Variants in PCDHGA2 observed in about 807,000 individuals in gnomAD.
The protein encoded by PCDHGA2 is protocadherin gamma subfamily A, 2, also known as protocadherin gamma-A2.
PCDHGA2 carries 40 observed loss-of-function variants against 59.2 expected under a neutral mutation model. That is an observed-to-expected ratio of 0.68 (90% CI 0.52 to 0.88). PCDHGA2 has a LOEUF of 0.88. Among genes scored for constraint, PCDHGA2 ranks in the 40% least tolerant of loss-of-function variants. The pLI is 0.00. For missense variants in PCDHGA2, 1,226 were observed against 1,204.0 expected (o/e 1.02, Z -0.27); for synonymous variants, 560 against 526.0 (o/e 1.06, Z -0.89).
In PCDHGA2 at chr5:141,383,217, T is replaced by C. The variant is rs367646444; in HGVS notation, c.2424+41822T>C. The stretch of plus-strand genomic sequence containing the variant: ...AGAGTGCGCGGTGTCTGGTAAACTT[T>C]AACATCCTGATGGAAGATAAAATGA... On this transcript the variant is annotated intron_variant, in intron 1 of 3. Coordinates refer to ENST00000394576, the MANE Select transcript of PCDHGA2 (RefSeq NM_018915.4). 8.1e-6 allele frequency: 13 copies of C among 1,613,876 alleles called. 1 individual carries two copies. The Admixed American group carries it at 1.0e-4, about 12-fold the overall frequency.
chr5:141,353,376 AT>A (rs1262685545), intron 1 of PCDHGA2, among the ~76,000 whole-genome samples: 1 of 152,236 alleles, frequency 6.6e-6, no homozygotes, highest in East Asian at 1.9e-4. Flanking sequence ...GTAATTATGT[AT>A]TAATGTAATT....
chr5:141,412,983 G>A (rs1372992044), intron 1 of PCDHGA2: 1 of 557,334 alleles, frequency 1.8e-6, no homozygotes, highest in Admixed American at 3.6e-5. Context: ...CGCAGCCAGA[G>A]CTCAATCCGG....
intron 1 of PCDHGA2, chr5:141,377,597 C>G (rs935154854): frequency 2.6e-4 from 37 of 142,848 alleles, no homozygotes; most frequent in African/African-American, 9.9e-4. Context: ...CTTTTTCTCT[C>G]TCTCTCTCAA....
At chr5:141,381,416 C>G (rs995030864) in intron 1 of PCDHGA2, among the ~76,000 whole-genome samples, 10 of 152,236 alleles carry the variant, frequency 6.6e-5, no homozygotes, top group African/African-American at 2.2e-4. Context: ...AGTGGAGAGA[C>G]GAGTACCTCT....
Position 141,491,726 on chromosome 5 carries a change from C to A in PCDHGA2, c.2425-3081C>A, listed in dbSNP as rs1018940432. ...GTGAGGGGCTCGGCGCCGCCCCGGG[C>A]GACCCCTGGGGGCGGCACTGGAGAA... On this transcript the variant is annotated intron_variant, in intron 1 of 3. Coordinates refer to ENST00000394576, the MANE Select transcript of PCDHGA2 (RefSeq NM_018915.4). This position sits in a 1 kb window ranked among gnomAD's most constrained non-coding sequence, Gnocchi z 6.9. 2.2e-5 allele frequency: 36 copies of A among 1,605,766 alleles called. No individual in the cohort carries two copies. Among genetic ancestry groups the A allele is most frequent in the African/African-American group, 4.0e-5 (3 of 74,588 alleles).
At chr5:141,345,284 A>C (rs1358924038) in intron 1 of PCDHGA2, 1 of 1,613,860 alleles carries the variant, frequency 6.2e-7, no homozygotes. Flanking sequence ...AAATATCAGA[A>C]TATAACATTA....
intron 1 of PCDHGA2, among the ~76,000 whole-genome samples, chr5:141,484,535 A>G (rs2099597486): frequency 6.6e-6 from 1 of 152,178 alleles, no homozygotes. Flanking sequence ...AGTATATGGC[A>G]GTGGTTCTAA....
chr5:141,341,098 C>A lies in PCDHGA2; in HGVS notation c.2127C>A (p.Ile709=), dbSNP rs1400825759. Residue 709 remains isoleucine, a synonymous_variant, in exon 1 of 4, where the codon ATC becomes ATA. Transcript: ENST00000394576. ...AVSCVFLAFV[I]VLLAHRLRRW... is the part of the protein sequence containing the mutation. ...CCTGCGTCTTCCTGGCCTTCGTCAT[C>A]GTGTTGCTGGCGCACAGGCTGCGGC... The A allele has an allele frequency of 6.2e-7, 1 of 1,614,256 alleles. No individual in the cohort carries two copies. The highest frequency in any genetic ancestry group is 2.2e-5 in the East Asian group (1 of 44,884).
chr5:141,409,748 G>A (rs2095311209), intron 1 of PCDHGA2: 1 of 1,613,018 alleles, frequency 6.2e-7, no homozygotes, highest in Non-Finnish European at 8.5e-7. Context: ...GGTGGTGTTC[G>A]CGCAGCGCGC....
At chr5:141,467,627 G>A (rs2099147481) in intron 1 of PCDHGA2, among the ~76,000 whole-genome samples, 1 of 152,140 alleles carries the variant, frequency 6.6e-6, no homozygotes, top group South Asian at 2.1e-4. Context: ...ATTTGAGATA[G>A]CATCTTTATC....
chr5:141,383,391 G>C, intron 1 of PCDHGA2: 2 of 1,613,978 alleles, frequency 1.2e-6, no homozygotes, highest in Non-Finnish European at 1.7e-6. Flanking sequence ...ATGTGGGCAC[G>C]AACTCCCTCC....
In PCDHGA2 at chr5:141,431,627, C is replaced by T. The variant is rs769351473; in HGVS notation, c.2425-63180C>T. 2.5e-6 allele frequency: 4 copies of T among 1,614,076 alleles called. No homozygotes were observed. The South Asian group carries it at 4.4e-5, about 18-fold the overall frequency. On this transcript the variant is annotated intron_variant, in intron 1 of 3. Coordinates refer to ENST00000394576, the MANE Select transcript of PCDHGA2 (RefSeq NM_018915.4). The surrounding 1 kb of genome is among the most constrained non-coding windows in gnomAD (Gnocchi z 4.8). Reference sequence around the variant, plus strand: ...CCGGTATGTGGACGACAAGGCGGCCCAAGTTTTCAAACTAGATTGTAATTC... The same window carrying T: ...CCGGTATGTGGACGACAAGGCGGCCTAAGTTTTCAAACTAGATTGTAATTC...
chr5:141,501,290 TACACACACACACACACACAC>T (rs55762287), intron 2 of PCDHGA2, among the ~76,000 whole-genome samples: 1 of 136,162 alleles, frequency 7.3e-6, no homozygotes, highest in Non-Finnish European at 1.6e-5. Flanking sequence ...TATTCCCTTA[TACACACACACACACACACAC>T]ACACACACAC....
chr5:141,352,500 C>T (rs1759029072), intron 1 of PCDHGA2: 1 of 1,614,024 alleles, frequency 6.2e-7, no homozygotes, highest in East Asian at 2.2e-5. Context: ...TTGCCCTATT[C>T]CTACAATCTA....
At chr5:141,384,360 C>A in intron 1 of PCDHGA2, 1 of 1,613,902 alleles carries the variant, frequency 6.2e-7, no homozygotes, top group Non-Finnish European at 8.5e-7. Context: ...ATGCCCAGAT[C>A]ACTTATTCCT....
intron 1 of PCDHGA2, chr5:141,374,236 T>G: frequency 6.2e-7 from 1 of 1,613,974 alleles, no homozygotes; most frequent in African/African-American, 1.3e-5. Flanking sequence ...TCGTCAAGGA[T>G]CTGGGACTGG....
chr5:141,423,805 G>GT (rs1384575574), intron 1 of PCDHGA2: 44 of 1,261,806 alleles, frequency 3.5e-5, no homozygotes, highest in South Asian at 8.9e-5. Context: ...AGCAATACAT[G>GT]TGAGTTTTAC....
intron 1 of PCDHGA2, chr5:141,400,289 G>A: frequency 6.2e-7 from 1 of 1,614,074 alleles, no homozygotes; most frequent in South Asian, 1.1e-5. Context: ...GCCGCCTGGA[G>A]CTGCTTCCAA....
At chr5:141,392,877 A>G in intron 1 of PCDHGA2, 2 of 1,613,506 alleles carry the variant, frequency 1.2e-6, no homozygotes, top group Non-Finnish European at 1.7e-6. Context: ...GCTGCTGGGA[A>G]CGCTGTGGGA....
Sources: gnomAD v4.1 joint callset for allele counts (sites outside exome capture counted in the v4.1 genomes callset) on GRCh38, gnomAD v4.1.1 for gene constraint, Gnocchi (gnomAD v3.1) non-coding constraint, MANE v1.5 for transcripts, NCBI Gene and HGNC (gene_info 2026-07-23, HGNC 2026-07-21) for gene names.